Variants in STK39 observed in about 807,000 individuals in gnomAD.
The protein encoded by STK39 is serine/threonine kinase 39, also known as STE20/SPS1-related proline-alanine-rich protein kinase.
In STK39, 20 loss-of-function variants were observed where a neutral mutation model predicts 77.8. The ratio of observed to expected loss-of-function variants is 0.26; its 90% CI spans 0.18 to 0.37. The LOEUF (loss-of-function observed/expected upper bound fraction) is 0.37, where lower values mean the gene tolerates loss of function less well. Ranked by LOEUF, STK39 falls within the 10% of genes least tolerant of loss-of-function variation. The pLI is 1.00. For synonymous variants in STK39, 246 were observed against 234.1 expected, an observed-to-expected ratio of 1.05 and a Z score of -0.47; for missense variants, 479 against 656.5, an observed-to-expected ratio of 0.73 and a Z score of 2.95.
At chr2:168,242,546 C>CCAAAAAAAAAA (rs1690785854) in intron 1 of STK39, among the ~76,000 whole-genome samples, 1 of 17,542 alleles carries the variant, frequency 5.7e-5, no homozygotes, top group African/African-American at 2.0e-4. Flanking sequence ...AAGACTCTTA[C>CCAAAAAAAAAA]AAAAAAAAAA....
intron 16 of STK39, among the ~76,000 whole-genome samples, chr2:167,988,721 A>G (rs1430218917): frequency 2.6e-5 from 4 of 152,222 alleles, no homozygotes; most frequent in Non-Finnish European, 4.4e-5. Flanking sequence ...TTAAATGTTC[A>G]GTTTAGAAAT....
At chr2:167,971,250 G>A (rs1692336174) in intron 16 of STK39, among the ~76,000 whole-genome samples, 1 of 152,108 alleles carries the variant, frequency 6.6e-6, no homozygotes, top group Admixed American at 6.5e-5. Context: ...AACTGGGTTT[G>A]GAAGTCATGA....
At chr2:168,223,510 C>CAAAAA (rs60067513) in intron 1 of STK39, among the ~76,000 whole-genome samples, 45 of 101,986 alleles carry the variant, frequency 4.4e-4, no homozygotes, top group Admixed American at 5.6e-4. Flanking sequence ...GACTCCGTCT[C>CAAAAA]AAAAAAAAAA....
chr2:168,084,759 T>C (rs975299089), intron 10 of STK39, among the ~76,000 whole-genome samples: 71 of 152,334 alleles, frequency 4.7e-4, no homozygotes, highest in African/African-American at 1.6e-3. Context: ...TGTTTCTCAT[T>C]CCCAATCTCT....
intron 1 of STK39, among the ~76,000 whole-genome samples, chr2:168,222,659 A>T (rs1483326618): frequency 6.6e-6 from 1 of 152,198 alleles, no homozygotes; most frequent in Non-Finnish European, 1.5e-5. Flanking sequence ...TAATCACTAA[A>T]ATATAAGGTT....
At chr2:168,137,990 A>G (rs1351304473) in intron 8 of STK39, 98 bp downstream of exon 8, 5 of 1,460,798 alleles carry the variant, frequency 3.4e-6, no homozygotes, top group Non-Finnish European at 4.6e-6. Context: ...GACAAGAAAT[A>G]CCTTTCCAGT....
intron 5 of STK39, among the ~76,000 whole-genome samples, chr2:168,156,947 C>A (rs1244078017): frequency 2.6e-5 from 4 of 152,192 alleles, no homozygotes; most frequent in South Asian, 2.1e-4. Flanking sequence ...AACTCTTAAA[C>A]CCCTACCCTC....
At chr2:168,111,500 C>T (rs1326315366) in intron 10 of STK39, among the ~76,000 whole-genome samples, 1 of 152,128 alleles carries the variant, frequency 6.6e-6, no homozygotes, top group African/African-American at 2.4e-5. Flanking sequence ...CTGGTTGTTG[C>T]TACTCAGATA....
At chr2:167,970,079 T>C (rs1273739792) in intron 16 of STK39, among the ~76,000 whole-genome samples, 2 of 152,136 alleles carry the variant, frequency 1.3e-5, no homozygotes, top group Non-Finnish European at 1.5e-5. Flanking sequence ...TCTTCCTCCA[T>C]GACTCCATGA....
Position 168,005,323 on chromosome 2 carries a change from A to C in STK39, c.1498+7311T>G, listed in dbSNP as rs567215254. Among the ~76,000 whole-genome samples, 3 of 152,154 alleles carry C rather than the reference A, an allele frequency of 2.0e-5. No homozygotes were observed. In the South Asian group the frequency reaches 6.2e-4, roughly 32 times the overall value. ...TCCTGGCCAGAAGGCTGTTGAGACA[A>C]ACCATATTCCTTTCCCAAGAGACCA... On this transcript the variant is annotated intron_variant, in intron 16 of 17. Coordinates refer to ENST00000355999, the MANE Select transcript of STK39 (RefSeq NM_013233.3).
At chr2:168,148,744 C>G (rs563836768) in intron 5 of STK39, among the ~76,000 whole-genome samples, 2 of 152,170 alleles carry the variant, frequency 1.3e-5, no homozygotes, top group Non-Finnish European at 2.9e-5. Flanking sequence ...GGCCCCTATT[C>G]AGAGGCATAC....
chr2:168,184,135 G>C (rs997379507), intron 1 of STK39, among the ~76,000 whole-genome samples: 1 of 152,146 alleles, frequency 6.6e-6, no homozygotes, highest in Non-Finnish European at 1.5e-5. Flanking sequence ...TTAATTCCCA[G>C]AAAGGACAAA....
chr2:168,157,462 C>CT (rs1433547958), intron 5 of STK39, among the ~76,000 whole-genome samples: 4 of 152,160 alleles, frequency 2.6e-5, no homozygotes, highest in African/African-American at 7.2e-5. Context: ...ATACCTTAGA[C>CT]TGGGTGACTT....
In STK39 at chr2:167,971,108, G is replaced by A. The variant is rs372996124; in HGVS notation, c.1499-6382C>T. The stretch of plus-strand genomic sequence containing the variant: ...CACTGAGTGAACATGCAAGGTAACT[G>A]CAGGACCCACTTGTATCCACTAATC... On this transcript the variant is annotated intron_variant, in intron 16 of 17. Transcript: ENST00000355999. Among the ~76,000 whole-genome samples the A allele has an allele frequency of 2.4e-4, 37 of 152,306 alleles. 1 individual carries two copies. Among genetic ancestry groups the A allele is most frequent in the Middle Eastern group, 3.4e-3 (1 of 294 alleles).
chr2:168,007,706 A>T (rs1684166553), intron 16 of STK39, among the ~76,000 whole-genome samples: 1 of 152,056 alleles, frequency 6.6e-6, no homozygotes, highest in Non-Finnish European at 1.5e-5. Flanking sequence ...CTGGAAGAAG[A>T]GCAAGTTCAA....
rs879424062 is a variant in STK39 at position 168,184,726 on chromosome 2, G to GCCAGCTCCAC, written c.209-2637_209-2636insGTGGAGCTGG. Among the ~76,000 whole-genome samples the GCCAGCTCCAC allele has an allele frequency of 2.2e-3, 342 of 152,328 alleles. 6 individuals carry two copies. Among genetic ancestry groups the GCCAGCTCCAC allele is most frequent in the Admixed American group, 0.02 (310 of 15,300 alleles). ...CACAAAATCAACTAACTGGGTGGAGGCCAGCATTGTTTAAGGGAAGCATCA... is the reference window on the plus strand; with the variant it reads ...CACAAAATCAACTAACTGGGTGGAGGCCAGCTCCACCCAGCATTGTTTAAGGGAAGCATCA... On this transcript the variant is annotated intron_variant, in intron 1 of 17. Transcript: ENST00000355999.
intron 10 of STK39, among the ~76,000 whole-genome samples, chr2:168,127,013 A>G (rs1559110118): frequency 6.6e-6 from 1 of 152,220 alleles, no homozygotes; most frequent in Admixed American, 6.5e-5. Context: ...ATCTAAAAGC[A>G]AAGAGCAAGT....
chr2:167,986,698 C>T (rs1683568202), intron 16 of STK39, among the ~76,000 whole-genome samples: 1 of 152,130 alleles, frequency 6.6e-6, no homozygotes, highest in African/African-American at 2.4e-5. Context: ...CCAAACACTT[C>T]TGGTAAGAAA....
chr2:168,029,629 C>G (rs6718607), intron 14 of STK39, among the ~76,000 whole-genome samples: 115,271 of 152,084 alleles, frequency 0.76, 43,880 homozygotes, highest in African/African-American at 0.78. Flanking sequence ...AGAAATGGAT[C>G]GCCTATACAC....
Sources: gnomAD v4.1 joint callset for allele counts (sites outside exome capture counted in the v4.1 genomes callset) on GRCh38, gnomAD v4.1.1 for gene constraint, MANE v1.5 for transcripts, NCBI Gene and HGNC (gene_info 2026-07-23, HGNC 2026-07-21) for gene names.